The following GARNL3 variants were observed in gnomAD, a reference collection of about 807,000 sequenced individuals.
GARNL3 encodes the protein GTPase-activating Rap/Ran-GAP domain-like protein 3.
A neutral mutation model predicts 125.0 loss-of-function variants in GARNL3; 63 were observed. That is an observed-to-expected ratio of 0.50 (90% CI 0.41 to 0.62). The LOEUF is 0.62. Ranked by LOEUF, GARNL3 falls within the 20% of genes least tolerant of loss-of-function variation. The probability of loss-of-function intolerance (pLI) is 0.00; values close to 1 mark genes in which losing one functional copy is unlikely to be tolerated. For missense variants in GARNL3, 994 were observed against 1,244.0 expected, an observed-to-expected ratio of 0.80 and a Z score of 3.02; for synonymous variants, 439 against 457.5, an observed-to-expected ratio of 0.96 and a Z score of 0.52.
intron 10 of GARNL3, 51 bp from the exon 11 acceptor site, chr9:127,336,077 T>C (rs1284930514): frequency 1.5e-6 from 2 of 1,292,720 alleles, no homozygotes; most frequent in Non-Finnish European, 2.2e-6. Context: ...ACTCTGTGAA[T>C]GTGCCATGTT....
chr9:127,288,825 T>C (rs1485831560), intron 1 of GARNL3, among the ~76,000 whole-genome samples: 1 of 152,206 alleles, frequency 6.6e-6, no homozygotes, highest in East Asian at 1.9e-4. Flanking sequence ...TATCAGCTCT[T>C]CTCCCAAGCC....
At chr9:127,310,065 A>T (rs2131458019) in intron 2 of GARNL3, among the ~76,000 whole-genome samples, 1 of 152,380 alleles carries the variant, frequency 6.6e-6, no homozygotes, top group South Asian at 2.1e-4. Flanking sequence ...TGAGAATGAT[A>T]GAGTGTTCAA....
intron 2 of GARNL3, among the ~76,000 whole-genome samples, chr9:127,304,052 A>G (rs575151141): frequency 6.6e-6 from 1 of 152,368 alleles, no homozygotes; most frequent in Admixed American, 6.5e-5. Context: ...AGGGCATAAA[A>G]TAAGCATGAG....
At chr9:127,225,318 C>T (rs1357757487) in intron 1 of GARNL3, 10 of 983,644 alleles carry the variant, frequency 1.0e-5, no homozygotes, top group African/African-American at 3.5e-5. Context: ...GGCGATGGAA[C>T]CGGAGCCCGG....
intron 2 of GARNL3, among the ~76,000 whole-genome samples, chr9:127,305,775 T>C (rs2064937440): frequency 6.6e-6 from 1 of 152,164 alleles, no homozygotes; most frequent in East Asian, 1.9e-4. Flanking sequence ...TATTTATTTA[T>C]TTCTTGTAAA....
At chr9:127,303,262 A>G (rs551223573) in intron 2 of GARNL3, among the ~76,000 whole-genome samples, 1 of 152,338 alleles carries the variant, frequency 6.6e-6, no homozygotes, top group South Asian at 2.1e-4. Flanking sequence ...AATTATGTAT[A>G]TGTATATATA....
chr9:127,236,870 T>C (rs2063122328), intron 1 of GARNL3, among the ~76,000 whole-genome samples: 1 of 152,334 alleles, frequency 6.6e-6, no homozygotes. Context: ...TGTTGCCCAC[T>C]GGAGGTTATC....
intron 10 of GARNL3, 133 bp downstream of exon 10, chr9:127,335,466 G>A (rs969573285): frequency 1.4e-6 from 1 of 712,388 alleles, no homozygotes; most frequent in Non-Finnish European, 2.5e-6. Context: ...GGATGCTTTT[G>A]GCGGTCTGTA....
At chr9:127,325,213 AG>A in intron 7 of GARNL3, 118 bp downstream of exon 7, 1 of 943,556 alleles carries the variant, frequency 1.1e-6, no homozygotes, top group Non-Finnish European at 1.7e-6. Flanking sequence ...AGATTTGCAC[AG>A]TGGGACACAT....
intron 4 of GARNL3, among the ~76,000 whole-genome samples, chr9:127,314,356 G>A (rs2065176315): frequency 6.6e-6 from 1 of 152,188 alleles, no homozygotes; most frequent in South Asian, 2.1e-4. Flanking sequence ...AGATTCCCGT[G>A]CAAGGCCATG....
At chr9:127,325,158 C>T in intron 7 of GARNL3, 63 bp downstream of exon 7, 1 of 1,505,906 alleles carries the variant, frequency 6.6e-7, no homozygotes, top group Non-Finnish European at 9.2e-7. Context: ...TATATTTCTC[C>T]TTTCACTGTG....
intron 22 of GARNL3, among the ~76,000 whole-genome samples, chr9:127,368,584 G>A (rs1421475365): frequency 6.7e-6 from 1 of 149,658 alleles, no homozygotes; most frequent in Non-Finnish European, 1.5e-5. Context: ...ACCTGCCTCA[G>A]CCTCCCAAAG....
intron 20 of GARNL3, 69 bp from the exon 21 acceptor site, chr9:127,357,150 G>T: frequency 6.6e-7 from 1 of 1,513,376 alleles, no homozygotes; most frequent in Non-Finnish European, 9.1e-7. Context: ...GGAATGGGCA[G>T]TGGGGCTTGG....
intron 1 of GARNL3, among the ~76,000 whole-genome samples, chr9:127,229,340 A>G (rs2062964077): frequency 1.3e-5 from 2 of 152,172 alleles, no homozygotes; most frequent in African/African-American, 4.8e-5. Flanking sequence ...TGATTCAGAA[A>G]GTTCAGGGTG....
At chr9:127,330,287 A>G (rs1829150443) in intron 7 of GARNL3, among the ~76,000 whole-genome samples, 1 of 152,228 alleles carries the variant, frequency 6.6e-6, no homozygotes, top group Non-Finnish European at 1.5e-5. Flanking sequence ...GCTTACTGTC[A>G]TCACTTCGAA....
intron 27 of GARNL3, among the ~76,000 whole-genome samples, chr9:127,391,416 T>G (rs1263397947): frequency 1.4e-5 from 2 of 143,292 alleles, no homozygotes; most frequent in African/African-American, 5.0e-5. Flanking sequence ...TGGCTAGGCA[T>G]GGTGGCTCAT....
At chr9:127,249,666 C>T (rs1232205270) in intron 2 of GARNL3, among the ~76,000 whole-genome samples, 1 of 152,022 alleles carries the variant, frequency 6.6e-6, no homozygotes, top group Non-Finnish European at 1.5e-5. Flanking sequence ...AACCATTTAG[C>T]TAGGGGCTTG....
At chr9:127,243,042 C>A in intron 1 of GARNL3, 2 of 1,318,284 alleles carry the variant, frequency 1.5e-6, no homozygotes. Flanking sequence ...CCGTTCTTCT[C>A]TGTCTCTTAG....
At chr9:127,263,556 G>T, upstream of GARNL3, 1 of 417,472 alleles carries the variant, frequency 2.4e-6, no homozygotes, top group Non-Finnish European at 3.2e-6. Flanking sequence ...TCTTCAAAAT[G>T]AGCTAAGAAA....
Sources: gnomAD v4.1 joint callset for allele counts (sites outside exome capture counted in the v4.1 genomes callset) on GRCh38, gnomAD v4.1.1 for gene constraint, MANE v1.5 for transcripts, NCBI Gene and HGNC (gene_info 2026-07-23, HGNC 2026-07-21) for gene names.